PTPRM: variants seen among roughly 807,000 people sequenced by gnomAD.
PTPRM encodes receptor-type tyrosine-protein phosphatase mu.
Under a neutral mutation model 186.7 loss-of-function variants are expected in PTPRM, and 47 were observed. That is an observed-to-expected ratio of 0.25 (90% CI 0.20 to 0.32). PTPRM has a LOEUF of 0.32. Ranked by LOEUF, PTPRM falls within the 10% of genes least tolerant of loss-of-function variation. PTPRM has a pLI of 1.00. For missense variants in PTPRM, 1,494 were observed against 1,865.0 expected, an observed-to-expected ratio of 0.80 and a Z score of 3.66; for synonymous variants, 668 against 674.9, an observed-to-expected ratio of 0.99 and a Z score of 0.16.
At chr18:7,944,300 A>AT (rs1599654792) in intron 5 of PTPRM, among the ~76,000 whole-genome samples, 1 of 151,976 alleles carries the variant, frequency 6.6e-6, no homozygotes, top group African/African-American at 2.4e-5. Flanking sequence ...TGTTGATTTC[A>AT]TTTTCTAGAT....
chr18:7,618,002 GTGGAC>G (rs1265217084), intron 1 of PTPRM, among the ~76,000 whole-genome samples: 1 of 152,202 alleles, frequency 6.6e-6, no homozygotes, highest in Non-Finnish European at 1.5e-5. Context: ...TGAGAAGCGA[GTGGAC>G]TGGAATCTGT....
At chr18:7,919,800 G>A (rs190975005) in intron 4 of PTPRM, among the ~76,000 whole-genome samples, 1 of 152,206 alleles carries the variant, frequency 6.6e-6, no homozygotes, top group Admixed American at 6.5e-5. Flanking sequence ...GTCTGTTGAT[G>A]TTCCCTGCTA....
At chr18:8,338,138 C>T (rs1037279836) in intron 22 of PTPRM, among the ~76,000 whole-genome samples, 8 of 151,744 alleles carry the variant, frequency 5.3e-5, no homozygotes, top group Non-Finnish European at 8.8e-5. Context: ...GTAGTCCTAC[C>T]GGGTAAGCAC....
chr18:8,324,366 C>T (rs1482005727), intron 22 of PTPRM, among the ~76,000 whole-genome samples: 4 of 152,084 alleles, frequency 2.6e-5, no homozygotes, highest in Admixed American at 6.5e-5. Context: ...ATTTTGCATT[C>T]GTGCTGAAAA....
intron 10 of PTPRM, among the ~76,000 whole-genome samples, chr18:8,086,659 G>A (rs535923201): frequency 3.3e-5 from 5 of 152,106 alleles, no homozygotes; most frequent in African/African-American, 4.8e-5. Flanking sequence ...CCATGGTTAG[G>A]TCAATAATAT....
intron 14 of PTPRM, among the ~76,000 whole-genome samples, chr18:8,197,786 A>G (rs2093800142): frequency 6.6e-6 from 1 of 152,134 alleles, no homozygotes; most frequent in Non-Finnish European, 1.5e-5. Flanking sequence ...AGTGAAAGAG[A>G]AGTTTAGTTT....
intron 2 of PTPRM, among the ~76,000 whole-genome samples, chr18:7,857,642 C>T (rs1303253425): frequency 2.0e-5 from 3 of 152,122 alleles, no homozygotes; most frequent in Non-Finnish European, 4.4e-5. Context: ...GTACAGGTAT[C>T]CTCACTCCTC....
chr18:7,569,997 G>T (rs1412941974), intron 1 of PTPRM, among the ~76,000 whole-genome samples: 1 of 152,178 alleles, frequency 6.6e-6, no homozygotes, highest in African/African-American at 2.4e-5. Context: ...GTGGTGGCGT[G>T]TGACTGTAGT....
intron 7 of PTPRM, among the ~76,000 whole-genome samples, chr18:7,992,102 C>T (rs1157775231): frequency 3.3e-5 from 5 of 152,134 alleles, no homozygotes; most frequent in Admixed American, 3.3e-4. Flanking sequence ...GTATTTTCCT[C>T]AGTACCGTGC....
chr18:8,137,793 G>A (rs114579930), intron 13 of PTPRM, among the ~76,000 whole-genome samples: 54 of 152,030 alleles, frequency 3.6e-4, no homozygotes, highest in Middle Eastern at 3.4e-3. Flanking sequence ...AAGCCTTCCC[G>A]GTCCTTCCAG....
chr18:7,962,811 T>C (rs1157118970), intron 7 of PTPRM, among the ~76,000 whole-genome samples: 1 of 152,200 alleles, frequency 6.6e-6, no homozygotes, highest in Non-Finnish European at 1.5e-5. Flanking sequence ...TCAAAGATAG[T>C]AGTATTTGTG....
intron 1 of PTPRM, among the ~76,000 whole-genome samples, chr18:7,652,431 C>A (rs1255535423): frequency 6.6e-6 from 1 of 152,064 alleles, no homozygotes; most frequent in African/African-American, 2.4e-5. Context: ...ATAAATCATG[C>A]TGCTATAAAG....
At chr18:8,022,682 C>A (rs2085308880) in intron 7 of PTPRM, among the ~76,000 whole-genome samples, 1 of 152,066 alleles carries the variant, frequency 6.6e-6, no homozygotes, top group Non-Finnish European at 1.5e-5. Flanking sequence ...TGATCTAGGT[C>A]CGTCTGTAAC....
In PTPRM at chr18:8,003,509, G is replaced by A. The variant is rs983525798; in HGVS notation, c.1132+48095G>A. On this transcript the variant is annotated intron_variant, in intron 7 of 32. Coordinates refer to ENST00000580170, the MANE Select transcript of PTPRM (RefSeq NM_001105244.2). The stretch of plus-strand genomic sequence containing the variant: ...CTCCAGATTTAGAAAGAGAGAGGAA[G>A]GTGCCTCAGCCAGGGCATCTGATGA... 1.8e-4 allele frequency among the ~76,000 whole-genome samples: 27 copies of A among 152,212 alleles called. 1 individual carries two copies. The highest frequency in any genetic ancestry group is 1.6e-3 in the Admixed American group (24 of 15,268).
At chr18:7,636,190 C>G (rs751449193) in intron 1 of PTPRM, among the ~76,000 whole-genome samples, 1 of 150,452 alleles carries the variant, frequency 6.6e-6, no homozygotes, top group African/African-American at 2.5e-5. Context: ...GTGTACCTAC[C>G]TGTTAACCAC....
chr18:7,861,352 A>G (rs528606153), intron 2 of PTPRM, among the ~76,000 whole-genome samples: 3 of 152,260 alleles, frequency 2.0e-5, no homozygotes, highest in Admixed American at 6.5e-5. Flanking sequence ...CACACTCAGT[A>G]TTTATAGTAA....
intron 11 of PTPRM, among the ~76,000 whole-genome samples, chr18:8,109,776 C>T (rs902187433): frequency 6.6e-6 from 1 of 152,144 alleles, no homozygotes; most frequent in African/African-American, 2.4e-5. Context: ...TCAGTGTACA[C>T]ACTCACCCAT....
chr18:8,023,735 A>G (rs1330846892), intron 7 of PTPRM, among the ~76,000 whole-genome samples: 2 of 152,124 alleles, frequency 1.3e-5, no homozygotes, highest in Admixed American at 6.6e-5. Flanking sequence ...AAAACCTTAT[A>G]GAAGCCAACT....
At chr18:8,063,935 A>T (rs2088840111) in intron 7 of PTPRM, among the ~76,000 whole-genome samples, 1 of 152,116 alleles carries the variant, frequency 6.6e-6, no homozygotes, top group Admixed American at 6.6e-5. Flanking sequence ...ACATTACCTA[A>T]CACCACTAGG....
Sources: allele counts gnomAD v4.1 joint callset (sites outside exome capture counted in the v4.1 genomes callset), GRCh38; gene constraint gnomAD v4.1.1; transcripts MANE v1.5; gene names NCBI Gene and HGNC (gene_info 2026-07-23, HGNC 2026-07-21).